CAMK4: variants seen among roughly 807,000 people sequenced by gnomAD.
The protein encoded by CAMK4 is calcium/calmodulin dependent protein kinase IV, also known as calcium/calmodulin-dependent protein kinase type IV.
A neutral mutation model predicts 44.9 loss-of-function variants in CAMK4; 22 were observed. The observed-to-expected ratio is 0.49, with a 90% CI of 0.35 to 0.70. The LOEUF (loss-of-function observed/expected upper bound fraction) is 0.70. Ranked by LOEUF, CAMK4 falls within the 30% of genes least tolerant of loss-of-function variation. The pLI is 0.01. For synonymous variants in CAMK4, 218 were observed against 215.4 expected (o/e 1.01, Z -0.11); for missense variants, 498 against 586.8 (o/e 0.85, Z 1.56).
chr5:111,235,033 A>G (rs1282887921), intron 1 of CAMK4, among the ~76,000 whole-genome samples: 1 of 152,204 alleles, frequency 6.6e-6, no homozygotes, highest in Non-Finnish European at 1.5e-5. Context: ...TCCCTATTTT[A>G]GGTCTTTATG....
chr5:111,434,278 C>T (rs905384931), intron 5 of CAMK4, among the ~76,000 whole-genome samples: 4 of 119,570 alleles, frequency 3.3e-5, no homozygotes, highest in Admixed American at 9.2e-5. Context: ...GGCTACATAA[C>T]GAGACTCTGT....
At chr5:111,297,255 TTC>T (rs1747527455) in intron 1 of CAMK4, among the ~76,000 whole-genome samples, 1 of 152,220 alleles carries the variant, frequency 6.6e-6, no homozygotes, top group Non-Finnish European at 1.5e-5. Context: ...CAATGAGGCA[TTC>T]TCTTCTTTTT....
chr5:111,252,043 A>G (rs2112542555), intron 1 of CAMK4, among the ~76,000 whole-genome samples: 1 of 152,334 alleles, frequency 6.6e-6, no homozygotes, highest in East Asian at 1.9e-4. Context: ...TCGTGTTAGC[A>G]TAACAGAAAG....
chr5:111,377,630 T>C (rs1751264708), intron 4 of CAMK4, among the ~76,000 whole-genome samples: 1 of 152,136 alleles, frequency 6.6e-6, no homozygotes, highest in African/African-American at 2.4e-5. Context: ...CCCCACCCTC[T>C]TAGGAGAATT....
At chr5:111,246,840 A>G (rs1416181379) in intron 1 of CAMK4, among the ~76,000 whole-genome samples, 1 of 152,174 alleles carries the variant, frequency 6.6e-6, no homozygotes, top group Non-Finnish European at 1.5e-5. Context: ...GGCAACCCCA[A>G]CTTTTGTGAG....
intron 1 of CAMK4, among the ~76,000 whole-genome samples, chr5:111,329,208 G>A (rs1580600447): frequency 6.6e-6 from 1 of 151,848 alleles, no homozygotes; most frequent in East Asian, 1.9e-4. Flanking sequence ...CAATAAATTA[G>A]GTATTGATGG....
chr5:111,315,622 T>C (rs902293428), intron 1 of CAMK4, among the ~76,000 whole-genome samples: 1 of 152,202 alleles, frequency 6.6e-6, no homozygotes, highest in Non-Finnish European at 1.5e-5. Context: ...AAAGGAACTC[T>C]AAACCTCATT....
intron 1 of CAMK4, among the ~76,000 whole-genome samples, chr5:111,314,883 G>A (rs1320877174): frequency 6.6e-6 from 1 of 152,026 alleles, no homozygotes; most frequent in Admixed American, 6.6e-5. Context: ...ATTTTGAAGA[G>A]TGGATCATAT....
At position 111,492,634 on chromosome 5, in the gene CAMK4, C is replaced by T. The variant is rs1039939179; in HGVS notation, c.*8168C>T. 2 of 152,196 alleles carry T rather than the reference C, an allele frequency of 1.3e-5. No individual in the cohort carries two copies. The highest frequency in any genetic ancestry group is 2.9e-5 in the Non-Finnish European group (2 of 68,032). The allele number at this position is 152,196 out of a possible 1,614,324, so 9.4% of individuals were successfully genotyped here. A position where few individuals can be genotyped will look rare whatever the true frequency, so the allele number is the denominator to read the frequency against. ...GGGGATATTAGGCCTACATTCTAAT[C>T]ACATTGTAAGGAAGTGATTTTCTAA... is the stretch of plus-strand genomic sequence containing the variant. On this transcript the variant is annotated 3_prime_UTR_variant, in exon 11 of 11. Transcript: ENST00000282356.
intron 1 of CAMK4, among the ~76,000 whole-genome samples, chr5:111,261,999 A>G (rs1357115428): frequency 6.6e-6 from 1 of 151,980 alleles, no homozygotes; most frequent in African/African-American, 2.4e-5. Context: ...TTGAGAGTTT[A>G]ATACTTTTGA....
intron 5 of CAMK4, among the ~76,000 whole-genome samples, chr5:111,406,740 G>A (rs6892625): frequency 0.91 from 139,092 of 152,160 alleles, 63,658 homozygotes; most frequent in East Asian, 0.99. Context: ...AGGTGATTAA[G>A]AAAAGAGGAT....
chr5:111,343,879 A>G (rs763788013), intron 1 of CAMK4, 145 bp from the exon 2 acceptor site: 9 of 543,324 alleles, frequency 1.7e-5, no homozygotes, highest in Non-Finnish European at 2.3e-5. Context: ...AATACTCTTG[A>G]CAGCTAGGGC....
intron 1 of CAMK4, among the ~76,000 whole-genome samples, chr5:111,291,390 T>C (rs965181873): frequency 2.2e-4 from 33 of 152,338 alleles, no homozygotes; most frequent in African/African-American, 2.4e-5. Flanking sequence ...TTGATATCTA[T>C]AGACACACTT....
At chr5:111,437,043 G>C (rs991670942) in intron 5 of CAMK4, among the ~76,000 whole-genome samples, 1 of 152,056 alleles carries the variant, frequency 6.6e-6, no homozygotes, top group East Asian at 1.9e-4. Flanking sequence ...TATTCTTATC[G>C]GTTTTTGGCC....
intron 4 of CAMK4, among the ~76,000 whole-genome samples, chr5:111,377,269 T>G (rs1359201915): frequency 6.6e-6 from 1 of 152,060 alleles, no homozygotes; most frequent in African/African-American, 2.4e-5. Context: ...GAGAATATCT[T>G]AAGAAAATAT....
At chr5:111,376,546 G>A (rs972755225) in intron 3 of CAMK4, among the ~76,000 whole-genome samples, 3 of 152,048 alleles carry the variant, frequency 2.0e-5, no homozygotes, top group East Asian at 1.9e-4. Context: ...TTTTGTTTTT[G>A]ATTTTTGAAC....
chr5:111,285,083 T>C (rs1751185150), intron 1 of CAMK4, among the ~76,000 whole-genome samples: 1 of 152,224 alleles, frequency 6.6e-6, no homozygotes, highest in Non-Finnish European at 1.5e-5. Context: ...CTATATCACA[T>C]ACTGTTCTTT....
chr5:111,478,579 T>C, intron 9 of CAMK4, 72 bp downstream of exon 9: 3 of 706,852 alleles, frequency 4.2e-6, no homozygotes. Flanking sequence ...GGAAGTACAA[T>C]TTTTTAAAAT....
Position 111,232,926 on chromosome 5 carries a change from C to G in CAMK4, c.161+8282C>G, listed in dbSNP as rs185148431. Among the ~76,000 whole-genome samples, 5 of 152,312 alleles carry G rather than the reference C, an allele frequency of 3.3e-5. No individual in the cohort carries two copies. The East Asian group carries it at 9.6e-4, about 29-fold the overall frequency. On this transcript the variant is annotated intron_variant, in intron 1 of 10. Coordinates refer to ENST00000282356, the MANE Select transcript of CAMK4 (RefSeq NM_001744.6). ...AGGCCATTCAGTCTCTGATGCAGCT[C>G]TACCCTCTGCCATGGTTGAGAGAAA...
Sources: gnomAD v4.1 joint callset for allele counts (sites outside exome capture counted in the v4.1 genomes callset) on GRCh38, gnomAD v4.1.1 for gene constraint, MANE v1.5 for transcripts, NCBI Gene and HGNC (gene_info 2026-07-23, HGNC 2026-07-21) for gene names.